ERCC6L2: variants seen among roughly 807,000 people sequenced by gnomAD.
ERCC6L2 encodes the protein DNA excision repair protein ERCC-6-like 2.
ERCC6L2 carries 77 observed loss-of-function variants against 132.0 expected under a neutral mutation model. That is an observed-to-expected ratio of 0.58 (90% CI 0.49 to 0.71). The LOEUF is 0.71. Among genes scored for constraint, ERCC6L2 ranks in the 30% least tolerant of loss-of-function variants. The pLI is 0.00. For synonymous variants in ERCC6L2, 583 were observed against 632.4 expected, an observed-to-expected ratio of 0.92 and a Z score of 1.17; for missense variants, 1,542 against 1,837.6, an observed-to-expected ratio of 0.84 and a Z score of 2.94.
At chr9:95,942,671 G>A (rs911559336) in intron 12 of ERCC6L2, among the ~76,000 whole-genome samples, 2 of 152,002 alleles carry the variant, frequency 1.3e-5, no homozygotes, top group African/African-American at 4.8e-5. Flanking sequence ...GAGAAATTGA[G>A]GAAAAATCCC....
At chr9:95,992,938 T>C (rs1833352342) in intron 17 of ERCC6L2, among the ~76,000 whole-genome samples, 1 of 152,226 alleles carries the variant, frequency 6.6e-6, no homozygotes, top group South Asian at 2.1e-4. Flanking sequence ...TTATTTCATA[T>C]GAGATCTTCA....
Position 96,030,078 on chromosome 9 carries a change from G to A in ERCC6L2, c.*1504-8798G>A, listed in dbSNP as rs139021504. ...TGGAGAACTTTTCTGTCTTACAAGA[G>A]GATTGTAAAATGCCCCAGTCAGCAC... On this transcript the variant is annotated intron_variant and NMD_transcript_variant, in intron 19 of 20. Coordinates refer to the ERCC6L2 transcript ENST00000670016. Among the ~76,000 whole-genome samples the A allele has an allele frequency of 7.0e-3, 1,068 of 152,328 alleles. 8 individuals are homozygous for A. Among genetic ancestry groups the A allele is most frequent in the African/African-American group, 0.024 (1,001 of 41,578 alleles).
chr9:95,935,958 C>G (rs910343981), intron 11 of ERCC6L2, among the ~76,000 whole-genome samples: 1 of 152,016 alleles, frequency 6.6e-6, no homozygotes, highest in East Asian at 1.9e-4. Context: ...ATATTCTGTG[C>G]TTAAAATAAT....
chr9:95,985,093 C>T (rs1833046785), intron 17 of ERCC6L2, among the ~76,000 whole-genome samples: 1 of 152,166 alleles, frequency 6.6e-6, no homozygotes, highest in East Asian at 1.9e-4. Context: ...TCCACAAAGC[C>T]TCAGTCTTCA....
At chr9:95,974,092 CTCTT>C (rs533229072) in intron 16 of ERCC6L2, among the ~76,000 whole-genome samples, 1 of 152,194 alleles carries the variant, frequency 6.6e-6, no homozygotes, top group Admixed American at 6.5e-5. Context: ...TTTATTCTCT[CTCTT>C]TATGATCCTA....
intron 3 of ERCC6L2, among the ~76,000 whole-genome samples, chr9:95,900,456 G>A (rs7849540): frequency 2.0e-5 from 3 of 151,072 alleles, no homozygotes; most frequent in African/African-American, 4.9e-5. Flanking sequence ...TAGTTTTTTC[G>A]TTAGTCTTTT....
At chr9:95,936,997 A>T (rs1056706151) in intron 11 of ERCC6L2, among the ~76,000 whole-genome samples, 1 of 152,194 alleles carries the variant, frequency 6.6e-6, no homozygotes, top group Non-Finnish European at 1.5e-5. Flanking sequence ...TGATATGGAT[A>T]CACCACAGTT....
intron 13 of ERCC6L2, among the ~76,000 whole-genome samples, chr9:95,960,510 C>T (rs573895617): frequency 2.0e-5 from 3 of 152,202 alleles, no homozygotes; most frequent in African/African-American, 4.8e-5. Flanking sequence ...GACAATTTGA[C>T]ACAGACAGAA....
At chr9:96,006,312 G>A (rs117320868) in intron 18 of ERCC6L2, among the ~76,000 whole-genome samples, 1,569 of 152,310 alleles carry the variant, frequency 0.01, 14 homozygotes, top group Middle Eastern at 0.031. Context: ...AGTAGCGAGA[G>A]GATCTTAAAA....
intron 13 of ERCC6L2, among the ~76,000 whole-genome samples, chr9:95,959,230 T>G (rs1374733853): frequency 6.7e-6 from 1 of 148,710 alleles, no homozygotes; most frequent in South Asian, 2.2e-4. Flanking sequence ...ACGCCGCATA[T>G]CTACAACTAT....
intron 2 of ERCC6L2, among the ~76,000 whole-genome samples, chr9:95,889,139 A>T (rs1410783): frequency 6.6e-6 from 1 of 151,994 alleles, no homozygotes; most frequent in African/African-American, 2.4e-5. Context: ...TAGCTGCCAC[A>T]TATGAAATAT....
intron 19 of ERCC6L2, chr9:96,038,768 A>G (rs1403427894): frequency 2.3e-6 from 1 of 428,984 alleles, no homozygotes; most frequent in Non-Finnish European, 4.7e-6. Context: ...TACTCTTTTC[A>G]AAAGGTGGAG....
At chr9:95,935,813 C>T (rs538495419) in intron 11 of ERCC6L2, among the ~76,000 whole-genome samples, 4 of 152,282 alleles carry the variant, frequency 2.6e-5, no homozygotes, top group African/African-American at 9.6e-5. Flanking sequence ...AAGCTACAAA[C>T]AGCTTTCTAA....
intron 2 of ERCC6L2, among the ~76,000 whole-genome samples, chr9:95,893,031 T>G (rs12683310): frequency 0.18 from 27,118 of 152,188 alleles, 2,504 homozygotes; most frequent in South Asian, 0.28. Flanking sequence ...ATTTTAATTT[T>G]TCTATTGACT....
Position 95,875,709 on chromosome 9 carries a change from G to T in ERCC6L2, c.-330G>T. The T allele has an allele frequency of 2.4e-6, 1 of 415,370 alleles. No homozygotes were observed. Among genetic ancestry groups the T allele is most frequent in the Non-Finnish European group, 4.4e-6 (1 of 227,766 alleles). 25.7% of individuals were successfully genotyped at this position (415,370 alleles called of 1,614,324 possible). A position where few individuals can be genotyped will look rare whatever the true frequency, so the allele number is the denominator to read the frequency against. On this transcript the variant is annotated 5_prime_UTR_variant, in exon 1 of 19. Transcript: ENST00000653738. ...GGAAGTCAGAGCCTAGGAAGATTTG[G>T]GGGTCGCCTTGCCGGCCTCCTGTCC... is the stretch of plus-strand genomic sequence containing the variant.
At chr9:96,033,007 C>T (rs1834479821) in intron 19 of ERCC6L2, among the ~76,000 whole-genome samples, 1 of 152,200 alleles carries the variant, frequency 6.6e-6, no homozygotes, top group Non-Finnish European at 1.5e-5. Flanking sequence ...CAGCCTGTAC[C>T]AGTGGTATCT....
chr9:96,026,275 C>T (rs1359745809), intron 19 of ERCC6L2, among the ~76,000 whole-genome samples: 1 of 152,208 alleles, frequency 6.6e-6, no homozygotes, highest in Non-Finnish European at 1.5e-5. Context: ...GGCTCCTGTC[C>T]TGCGATCTGC....
At chr9:95,934,554 A>C (rs544343663) in intron 11 of ERCC6L2, among the ~76,000 whole-genome samples, 1 of 152,110 alleles carries the variant, frequency 6.6e-6, no homozygotes, top group East Asian at 1.9e-4. Flanking sequence ...ATGAAGACAA[A>C]ACTTTTGGCT....
intron 17 of ERCC6L2, among the ~76,000 whole-genome samples, chr9:95,999,870 C>T (rs1833599352): frequency 6.9e-6 from 1 of 144,378 alleles, no homozygotes; most frequent in African/African-American, 2.8e-5. Flanking sequence ...TAACATTTTT[C>T]TTTCTATTAA....
Sources: gnomAD v4.1 joint callset for allele counts (sites outside exome capture counted in the v4.1 genomes callset) on GRCh38, gnomAD v4.1.1 for gene constraint, MANE v1.5 for transcripts, NCBI Gene and HGNC (gene_info 2026-07-23, HGNC 2026-07-21) for gene names.